INPP4B: variants seen among roughly 807,000 people sequenced by gnomAD.
INPP4B encodes the protein inositol polyphosphate 4-phosphatase type II.
Under a neutral mutation model 122.5 loss-of-function variants are expected in INPP4B, and 55 were observed. That is an observed-to-expected ratio of 0.45 (90% CI 0.36 to 0.56). The LOEUF is 0.56. Among genes scored for constraint, INPP4B ranks in the 20% least tolerant of loss-of-function variants. INPP4B has a pLI of 0.00. For missense variants in INPP4B, 1,000 were observed against 1,097.7 expected (o/e 0.91, Z 1.26); for synonymous variants, 403 against 388.7 (o/e 1.04, Z -0.43).
chr4:142,235,705 G>A (rs577426130), intron 12 of INPP4B, among the ~76,000 whole-genome samples: 2 of 152,164 alleles, frequency 1.3e-5, no homozygotes, highest in Non-Finnish European at 2.9e-5. Context: ...GATTACAGGC[G>A]TGAGCCACCG....
chr4:142,287,045 G>GT (rs1330982938), intron 9 of INPP4B: 7 of 152,148 alleles, frequency 4.6e-5, no homozygotes, highest in African/African-American at 1.7e-4. Context: ...TCATAGATGA[G>GT]TATAGCAGTG....
chr4:142,713,708 G>T (rs1763393707), intron 2 of INPP4B, among the ~76,000 whole-genome samples: 1 of 152,122 alleles, frequency 6.6e-6, no homozygotes, highest in Non-Finnish European at 1.5e-5. Flanking sequence ...GCCAGATATG[G>T]TTGTCCACCC....
chr4:142,621,072 A>T (rs1447791746), intron 2 of INPP4B, among the ~76,000 whole-genome samples: 1 of 151,880 alleles, frequency 6.6e-6, no homozygotes, highest in Non-Finnish European at 1.5e-5. Context: ...TGTCTTAGTT[A>T]TATCCAGTAG....
intron 12 of INPP4B, among the ~76,000 whole-genome samples, chr4:142,231,788 C>A (rs1174281473): frequency 6.6e-6 from 1 of 151,990 alleles, no homozygotes; most frequent in Non-Finnish European, 1.5e-5. Context: ...CACCAACTCA[C>A]AATTGTTTAT....
intron 1 of INPP4B, among the ~76,000 whole-genome samples, chr4:142,816,870 C>T (rs1780179312): frequency 6.6e-6 from 1 of 152,070 alleles, no homozygotes; most frequent in Non-Finnish European, 1.5e-5. Flanking sequence ...ATAATACACG[C>T]TTTCAAATAC....
At chr4:142,288,623 C>T (rs538430831) in intron 9 of INPP4B, among the ~76,000 whole-genome samples, 5 of 152,134 alleles carry the variant, frequency 3.3e-5, no homozygotes, top group African/African-American at 4.8e-5. Context: ...TGAATCTGGC[C>T]TATCTTCCCT....
At chr4:142,248,794 T>C (rs1196340862) in intron 11 of INPP4B, among the ~76,000 whole-genome samples, 1 of 152,048 alleles carries the variant, frequency 6.6e-6, no homozygotes, top group East Asian at 1.9e-4. Flanking sequence ...TTTTTATTCC[T>C]TATAATGAAT....
At chr4:142,147,745 A>T (rs527905452) in intron 17 of INPP4B, among the ~76,000 whole-genome samples, 1 of 152,308 alleles carries the variant, frequency 6.6e-6, no homozygotes, top group South Asian at 2.1e-4. Context: ...CGATTATAAC[A>T]ATCTTTCCCC....
chr4:142,543,916 G>C (rs1213309667), intron 2 of INPP4B, among the ~76,000 whole-genome samples: 1 of 152,062 alleles, frequency 6.6e-6, no homozygotes, highest in Admixed American at 6.6e-5. Flanking sequence ...CCAGAAGTAA[G>C]TCTCAGAACA....
intron 25 of INPP4B, among the ~76,000 whole-genome samples, chr4:142,062,052 A>G (rs1761190168): frequency 6.6e-6 from 1 of 151,988 alleles, no homozygotes; most frequent in African/African-American, 2.4e-5. Context: ...AGTATGCTAA[A>G]TTCATTTTGT....
At chr4:142,260,371 T>G in intron 11 of INPP4B, 121 bp downstream of exon 11, 1 of 694,010 alleles carries the variant, frequency 1.4e-6, no homozygotes, top group South Asian at 1.7e-5. Context: ...CCCCTTATGA[T>G]TTCCCAGTGT....
chr4:142,778,023 T>G (rs1192039774), intron 1 of INPP4B, among the ~76,000 whole-genome samples: 4 of 152,178 alleles, frequency 2.6e-5, no homozygotes, highest in Non-Finnish European at 5.9e-5. Flanking sequence ...CGTGGCCTTG[T>G]GTAACTGCAC....
At chr4:142,479,997 G>A (rs1279210148) in intron 2 of INPP4B, among the ~76,000 whole-genome samples, 3 of 152,124 alleles carry the variant, frequency 2.0e-5, no homozygotes, top group East Asian at 1.9e-4. Context: ...CTAATGTACA[G>A]GGAAAGTATT....
At chr4:142,425,012 T>C (rs1197198243) in intron 5 of INPP4B, among the ~76,000 whole-genome samples, 1 of 152,104 alleles carries the variant, frequency 6.6e-6, no homozygotes, top group Non-Finnish European at 1.5e-5. Context: ...AATCACAGGT[T>C]ACTCCTATTT....
intron 8 of INPP4B, among the ~76,000 whole-genome samples, chr4:142,309,937 C>G (rs1008071618): frequency 1.3e-5 from 2 of 152,174 alleles, no homozygotes; most frequent in African/African-American, 4.8e-5. Context: ...GCCCCTGCAG[C>G]CACTCCGAGC....
At chr4:142,071,057 G>A (rs1367667835) in intron 25 of INPP4B, among the ~76,000 whole-genome samples, 1 of 152,176 alleles carries the variant, frequency 6.6e-6, no homozygotes, top group African/African-American at 2.4e-5. Context: ...GAATAAAGCT[G>A]GAGGCATCAC....
At chr4:142,175,960 A>G (rs1827958858) in intron 15 of INPP4B, among the ~76,000 whole-genome samples, 1 of 151,788 alleles carries the variant, frequency 6.6e-6, no homozygotes, top group Non-Finnish European at 1.5e-5. Flanking sequence ...CTTCTATGTG[A>G]TCCCTCTTTG....
chr4:142,147,170 T>C (rs336400), intron 17 of INPP4B, among the ~76,000 whole-genome samples: 97,430 of 152,000 alleles, frequency 0.64, 36,618 homozygotes, highest in South Asian at 0.83. Context: ...AATAGAGCTA[T>C]CCCAGGAACC....
chr4:142,190,155 G>C (rs184757261), intron 15 of INPP4B, among the ~76,000 whole-genome samples: 2 of 152,048 alleles, frequency 1.3e-5, no homozygotes, highest in African/African-American at 4.8e-5. Context: ...AAAAAACCTG[G>C]TCTAAAAGAC....
Sources: allele counts gnomAD v4.1 joint callset (sites outside exome capture counted in the v4.1 genomes callset), GRCh38; gene constraint gnomAD v4.1.1; transcripts MANE v1.5; gene names NCBI Gene and HGNC (gene_info 2026-07-23, HGNC 2026-07-21).